ANKRD13C: variants seen among roughly 807,000 people sequenced by gnomAD.
The protein encoded by ANKRD13C is ankyrin repeat domain-containing protein 13C.
Under a neutral mutation model 65.5 loss-of-function variants are expected in ANKRD13C, and 16 were observed. That is an observed-to-expected ratio of 0.24 (90% CI 0.17 to 0.37). The LOEUF (loss-of-function observed/expected upper bound fraction) is 0.37, where lower values mean the gene tolerates loss of function less well. Among genes scored for constraint, ANKRD13C ranks in the 10% least tolerant of loss-of-function variants. ANKRD13C has a pLI of 1.00. For synonymous variants in ANKRD13C, 235 were observed against 238.7 expected (o/e 0.98, Z 0.14); for missense variants, 503 against 655.9 (o/e 0.77, Z 2.55).
intron 1 of ANKRD13C, among the ~76,000 whole-genome samples, chr1:70,340,552 T>C (rs529409592): frequency 2.0e-5 from 3 of 152,334 alleles, no homozygotes; most frequent in African/African-American, 7.2e-5. Flanking sequence ...ACCATTTTAA[T>C]GGTGTTGTTC....
At chr1:70,296,854 G>A (rs1680100538) in intron 7 of ANKRD13C, among the ~76,000 whole-genome samples, 1 of 152,126 alleles carries the variant, frequency 6.6e-6, no homozygotes, top group Non-Finnish European at 1.5e-5. Context: ...AAAATGGAAA[G>A]GAATCCATAA....
At chr1:70,276,717 T>C in intron 10 of ANKRD13C, 48 bp downstream of exon 10, 1 of 1,401,800 alleles carries the variant, frequency 7.1e-7, no homozygotes. Flanking sequence ...TTTTTACAAA[T>C]TATTCTTTCT....
At chr1:70,293,551 C>A (rs987295084) in intron 8 of ANKRD13C, 1 of 985,118 alleles carries the variant, frequency 1.0e-6, no homozygotes, top group Non-Finnish European at 1.2e-6. Flanking sequence ...GAGCTTTGAG[C>A]TGCTTAGCAG....
At chr1:70,292,602 C>T (rs1679908417) in intron 8 of ANKRD13C, 53 bp from the exon 9 acceptor site, 4 of 1,350,376 alleles carry the variant, frequency 3.0e-6, no homozygotes, top group Admixed American at 2.5e-5. Flanking sequence ...AAAAAAGTGT[C>T]AAGGTAATAT....
rs1019998576 is a variant in ANKRD13C at position 70,295,131 on chromosome 1, T to C, written c.1053+999A>G. 3.3e-5 allele frequency among the ~76,000 whole-genome samples: 5 copies of C among 152,140 alleles called. No individual in the cohort carries two copies. In the South Asian group the frequency reaches 8.3e-4, roughly 25 times the overall value. On this transcript the variant is annotated intron_variant, in intron 8 of 12. Coordinates refer to ENST00000370944, the MANE Select transcript of ANKRD13C (RefSeq NM_030816.5). ...TCATTGTGTATAATAAAAATAAATA[T>C]AATTTTTAATAGAAGTCAATCTTGA... is the stretch of plus-strand genomic sequence containing the variant.
At chr1:70,317,619 A>G (rs761143350) in intron 3 of ANKRD13C, among the ~76,000 whole-genome samples, 3 of 152,226 alleles carry the variant, frequency 2.0e-5, no homozygotes, top group Non-Finnish European at 2.9e-5. Context: ...TCAATGACTT[A>G]GATAATCATT....
At chr1:70,325,034 A>G (rs1681470508) in intron 2 of ANKRD13C, 77 bp from the exon 3 acceptor site, 4 of 973,416 alleles carry the variant, frequency 4.1e-6, no homozygotes, top group Non-Finnish European at 6.0e-6. Flanking sequence ...TAAAAGTTTA[A>G]TAAACCAAAT....
chr1:70,261,819 C>T lies in ANKRD13C; in HGVS notation c.*898G>A, dbSNP rs972695230. 4 of 152,066 alleles carry T rather than the reference C, an allele frequency of 2.6e-5. No individual in the cohort carries two copies. The highest frequency in any genetic ancestry group is 1.3e-4 in the Admixed American group (2 of 15,222). The allele number at this position is 152,066 out of a possible 1,614,324, so 9.4% of individuals were successfully genotyped here. ...CTAAAAACAAACAAAATAATCAGACCGATGTGTACTTATTAGGAAGCAAGT... is the reference window on the plus strand; with the variant it reads ...CTAAAAACAAACAAAATAATCAGACTGATGTGTACTTATTAGGAAGCAAGT... On this transcript the variant is annotated 3_prime_UTR_variant, in exon 13 of 13. Transcript: ENST00000370944.
chr1:70,297,286 GATTTTTT>G (rs1680125684), intron 7 of ANKRD13C, among the ~76,000 whole-genome samples: 1 of 125,098 alleles, frequency 8.0e-6, no homozygotes, highest in East Asian at 2.7e-4. Context: ...GTCCCTTTCT[GATTTTTT>G]TTTTTTTTTT....
intron 9 of ANKRD13C, among the ~76,000 whole-genome samples, chr1:70,280,694 G>C (rs992969779): frequency 1.3e-5 from 2 of 152,058 alleles, no homozygotes; most frequent in African/African-American, 4.8e-5. Context: ...AACCTCAGAG[G>C]GTTTACTGTG....
intron 1 of ANKRD13C, among the ~76,000 whole-genome samples, chr1:70,350,392 T>C (rs1289683495): frequency 6.6e-6 from 1 of 152,220 alleles, no homozygotes; most frequent in Admixed American, 6.5e-5. Context: ...CTATTCTAAA[T>C]ACTTCACAAA....
At chr1:70,311,626 G>A (rs1055549345) in intron 5 of ANKRD13C, among the ~76,000 whole-genome samples, 6 of 152,114 alleles carry the variant, frequency 3.9e-5, no homozygotes, top group African/African-American at 7.2e-5. Flanking sequence ...GTAGTCATAC[G>A]AAATGTTAAC....
At chr1:70,268,063 G>C (rs1433348131) in intron 12 of ANKRD13C, among the ~76,000 whole-genome samples, 1 of 152,092 alleles carries the variant, frequency 6.6e-6, no homozygotes, top group African/African-American at 2.4e-5. Flanking sequence ...TTTTTTGTTT[G>C]ATTTTAAAAG....
At chr1:70,342,097 G>A (rs1682335558) in intron 1 of ANKRD13C, among the ~76,000 whole-genome samples, 1 of 151,404 alleles carries the variant, frequency 6.6e-6, no homozygotes, top group Non-Finnish European at 1.5e-5. Context: ...AAGAATGGGC[G>A]GCCAGGTGAA....
chr1:70,260,356 T>TAACC lies in ANKRD13C; in HGVS notation c.*2357_*2360dup, dbSNP rs1678347717. On this transcript the variant is annotated 3_prime_UTR_variant, in exon 13 of 13. Transcript: ENST00000370944. ...ATACCATACCAGTGGGCAAGAATAT[T>TAACC]AACCATTTCTAAATGGCTATTGAAG... Among the ~76,000 whole-genome samples, 2 of 152,146 alleles carry TAACC rather than the reference T, an allele frequency of 1.3e-5. No individual in the cohort carries two copies. The highest frequency in any genetic ancestry group is 6.6e-5 in the Admixed American group (1 of 15,264).
At position 70,262,530 on chromosome 1, in the gene ANKRD13C, T is replaced by C. The variant is rs1289367973; in HGVS notation, c.*187A>G. On this transcript the variant is annotated 3_prime_UTR_variant, in exon 13 of 13. Coordinates refer to ENST00000370944, the MANE Select transcript of ANKRD13C (RefSeq NM_030816.5). ...TGTATATTTTTAAAAAGACAAAAAA[T>C]GGCACATCAGAAAACTCGCTGAAAT... 4 of 476,002 alleles carry C rather than the reference T, an allele frequency of 8.4e-6. No homozygotes were observed. The highest frequency in any genetic ancestry group is 1.4e-5 in the Non-Finnish European group (4 of 283,848). The allele number at this position is 476,002 out of a possible 1,614,324, so 29.5% of individuals were successfully genotyped here. A position where few individuals can be genotyped will look rare whatever the true frequency, so the allele number is the denominator to read the frequency against.
chr1:70,309,392 G>C (rs1323577153), intron 5 of ANKRD13C, among the ~76,000 whole-genome samples: 1 of 149,592 alleles, frequency 6.7e-6, no homozygotes, highest in Non-Finnish European at 1.5e-5. Context: ...ATTTTCAGAA[G>C]AGTTTTTAAG....
chr1:70,353,163 A>G (rs116261312), intron 1 of ANKRD13C, among the ~76,000 whole-genome samples: 1 of 152,232 alleles, frequency 6.6e-6, no homozygotes, highest in African/African-American at 2.4e-5. Flanking sequence ...ATTAGTCTTC[A>G]ATAATAAATT....
chr1:70,323,264 T>TA lies in ANKRD13C; in HGVS notation c.577+1588dup, dbSNP rs1191229538. On this transcript the variant is annotated intron_variant, in intron 3 of 12. Transcript: ENST00000370944. Reference sequence around the variant, plus strand: ...AGGACAACTGTCAGTGTATAACAAATAAAAAAAAAATACACTCACTTTAGT... The same window carrying TA: ...AGGACAACTGTCAGTGTATAACAAATAAAAAAAAAAATACACTCACTTTAGT... Among the ~76,000 whole-genome samples, 707 of 148,898 alleles carry TA rather than the reference T, an allele frequency of 4.7e-3. 8 individuals are homozygous for TA. Among genetic ancestry groups the TA allele is most frequent in the African/African-American group, 0.016 (664 of 40,720 alleles).
Sources: allele counts gnomAD v4.1 joint callset (sites outside exome capture counted in the v4.1 genomes callset), GRCh38; gene constraint gnomAD v4.1.1; transcripts MANE v1.5; gene names NCBI Gene and HGNC (gene_info 2026-07-23, HGNC 2026-07-21).